The following AGTPBP1 variants were observed in gnomAD, a reference collection of about 807,000 sequenced individuals.
The protein encoded by AGTPBP1 is ATP/GTP binding carboxypeptidase 1, also known as cytosolic carboxypeptidase 1.
In AGTPBP1, 70 loss-of-function variants were observed where a neutral mutation model predicts 143.9. The ratio of observed to expected loss-of-function variants is 0.49; its 90% confidence interval spans 0.40 to 0.59. The LOEUF is 0.59. Among genes scored for constraint, AGTPBP1 ranks in the 20% least tolerant of loss-of-function variants. AGTPBP1 has a pLI of 0.00. For synonymous variants in AGTPBP1, 463 were observed against 500.2 expected, an observed-to-expected ratio of 0.93 and a Z score of 0.99; for missense variants, 1,229 against 1,464.5, an observed-to-expected ratio of 0.84 and a Z score of 2.62.
chr9:85,798,751 T>C, the AGTPBP1 span, among the ~76,000 whole-genome samples: 2 of 152,160 alleles, frequency 1.3e-5, no homozygotes, highest in Admixed American at 6.5e-5. Flanking sequence ...TCATCAACTG[T>C]TCACCACATT....
the AGTPBP1 span, chr9:85,792,400 T>C: frequency 3.3e-5 from 5 of 152,218 alleles, no homozygotes; most frequent in Admixed American, 1.3e-4. Flanking sequence ...GGTATTTTAA[T>C]ACTGAGGAGT....
chr9:85,750,000 G>A, the AGTPBP1 span, among the ~76,000 whole-genome samples: 1 of 151,556 alleles, frequency 6.6e-6, no homozygotes. Flanking sequence ...TCCTGCCTCA[G>A]CCTCCCAAGT....
intron 1 of AGTPBP1, among the ~76,000 whole-genome samples, chr9:85,722,491 A>G (rs1190941938): frequency 6.6e-6 from 1 of 152,142 alleles, no homozygotes; most frequent in Non-Finnish European, 1.5e-5. Context: ...ATGCGTCACG[A>G]GGTTCTCGTG....
chr9:85,720,488 C>A (rs983642673), intron 1 of AGTPBP1, among the ~76,000 whole-genome samples: 5 of 152,212 alleles, frequency 3.3e-5, no homozygotes, highest in Non-Finnish European at 7.3e-5. Context: ...GCTTGTATTT[C>A]TGTGGTATCA....
At chr9:85,560,826 A>T (rs1283087103) in intron 25 of AGTPBP1, among the ~76,000 whole-genome samples, 1 of 152,194 alleles carries the variant, frequency 6.6e-6, no homozygotes, top group Non-Finnish European at 1.5e-5. Flanking sequence ...TAAGAGAATA[A>T]AAGACACAGA....
At chr9:85,777,067 C>T in the AGTPBP1 span, among the ~76,000 whole-genome samples, 1 of 152,166 alleles carries the variant, frequency 6.6e-6, no homozygotes, top group Admixed American at 6.5e-5. Context: ...CTAGCTGCTT[C>T]AGGATGATGG....
intron 1 of AGTPBP1, among the ~76,000 whole-genome samples, chr9:85,738,316 T>C (rs3916184): frequency 0.27 from 34,610 of 127,834 alleles, 6,495 homozygotes; most frequent in East Asian, 0.76. Context: ...TGTAAAATCA[T>C]ACTGGAGGGA....
chr9:85,765,073 T>C, the AGTPBP1 span: 3 of 548,924 alleles, frequency 5.5e-6, no homozygotes, highest in Non-Finnish European at 9.9e-6. Flanking sequence ...CTGGCACTTA[T>C]TTGGCACCAT....
At chr9:85,574,957 C>T (rs1827801983) in intron 25 of AGTPBP1, among the ~76,000 whole-genome samples, 1 of 152,202 alleles carries the variant, frequency 6.6e-6, no homozygotes, top group South Asian at 2.1e-4. Flanking sequence ...GATCCACCTG[C>T]CTCGGCCTCC....
At chr9:85,791,231 G>A in the AGTPBP1 span, among the ~76,000 whole-genome samples, 4 of 151,858 alleles carry the variant, frequency 2.6e-5, no homozygotes, top group South Asian at 6.3e-4. Flanking sequence ...AAAATTAACC[G>A]AGTGTGGTGG....
chr9:85,744,791 G>A (rs73481030), upstream of AGTPBP1, among the ~76,000 whole-genome samples: 1 of 152,156 alleles, frequency 6.6e-6, no homozygotes, highest in Non-Finnish European at 1.5e-5. Context: ...ACGAAACATG[G>A]GTGGGAGCTT....
the AGTPBP1 span, among the ~76,000 whole-genome samples, chr9:85,800,811 G>GTGTA: frequency 1.5e-5 from 2 of 129,458 alleles, no homozygotes; most frequent in African/African-American, 7.1e-5. Context: ...GAATGGTTGT[G>GTGTA]TGTGTGTGTG....
At chr9:85,656,508 CTG>C (rs1417487117) in intron 10 of AGTPBP1, among the ~76,000 whole-genome samples, 2 of 151,948 alleles carry the variant, frequency 1.3e-5, no homozygotes, top group Non-Finnish European at 2.9e-5. Flanking sequence ...TAAAAATAGA[CTG>C]TGTTTGTCAT....
At chr9:85,604,329 A>G (rs2133360913) in intron 17 of AGTPBP1, among the ~76,000 whole-genome samples, 1 of 152,344 alleles carries the variant, frequency 6.6e-6, no homozygotes, top group Admixed American at 6.5e-5. Flanking sequence ...CTGCCTGATA[A>G]TCCAAGAAAT....
chr9:85,669,517 T>A lies in AGTPBP1; in HGVS notation c.630A>T (p.Gly210=). The A allele has an allele frequency of 6.2e-7, 1 of 1,611,546 alleles. No homozygotes were observed. Residue 210 remains glycine, a synonymous_variant, in exon 8 of 26, where the codon GGA becomes GGT. Coordinates refer to ENST00000357081, the MANE Select transcript of AGTPBP1 (RefSeq NM_001330701.2). ...GVVELMFKII[G]PFSKKNSSLI... Reference sequence around the variant, plus strand: ...GACTGGAATTCTTCTTACTAAATGGTCCAATGATTTTAAACATCAGTTCCA... The same window carrying A: ...GACTGGAATTCTTCTTACTAAATGGACCAATGATTTTAAACATCAGTTCCA...
At chr9:85,615,035 T>A (rs1040685949) in intron 17 of AGTPBP1, among the ~76,000 whole-genome samples, 2 of 152,114 alleles carry the variant, frequency 1.3e-5, no homozygotes, top group African/African-American at 4.8e-5. Context: ...GTGAAATGTC[T>A]AACAATTCAA....
intron 25 of AGTPBP1, among the ~76,000 whole-genome samples, chr9:85,558,640 G>A (rs1163221993): frequency 6.6e-6 from 1 of 151,932 alleles, no homozygotes; most frequent in African/African-American, 2.4e-5. Flanking sequence ...TTGAGCCAAG[G>A]TCTCATTCTG....
At chr9:85,603,482 GC>G (rs1219301285) in intron 17 of AGTPBP1, among the ~76,000 whole-genome samples, 1 of 152,184 alleles carries the variant, frequency 6.6e-6, no homozygotes, top group Non-Finnish European at 1.5e-5. Flanking sequence ...TGGCTAAAGA[GC>G]CCTTGGGCCT....
intron 1 of AGTPBP1, among the ~76,000 whole-genome samples, chr9:85,718,175 C>G (rs1050652411): frequency 6.6e-6 from 1 of 152,050 alleles, no homozygotes; most frequent in Admixed American, 6.6e-5. Context: ...ATGATTTATA[C>G]TCTGAGTATA....
Sources: gnomAD v4.1 joint callset for allele counts (sites outside exome capture counted in the v4.1 genomes callset) on GRCh38, gnomAD v4.1.1 for gene constraint, MANE v1.5 for transcripts, NCBI Gene and HGNC (gene_info 2026-07-23, HGNC 2026-07-21) for gene names.